Variants in ZMYM5 observed in about 807,000 individuals in gnomAD.
ZMYM5 encodes the protein zinc finger MYM-type containing 5, also known as zinc finger MYM-type protein 5.
Under a neutral mutation model 61.8 loss-of-function variants are expected in ZMYM5, and 41 were observed. That is an observed-to-expected ratio of 0.66 (90% CI 0.52 to 0.86). The LOEUF is 0.86. ZMYM5 is among the 40% of genes least tolerant of loss of function. The pLI, the probability that ZMYM5 is intolerant of heterozygous loss-of-function variation, is 0.00. For synonymous variants in ZMYM5, 257 were observed against 276.4 expected, an observed-to-expected ratio of 0.93 and a Z score of 0.70; for missense variants, 706 against 786.7, an observed-to-expected ratio of 0.90 and a Z score of 1.23.
At chr13:19,836,841 C>T (rs1020960579) in intron 6 of ZMYM5, among the ~76,000 whole-genome samples, 2 of 152,106 alleles carry the variant, frequency 1.3e-5, no homozygotes, top group African/African-American at 2.4e-5. Flanking sequence ...GGACTGCCTG[C>T]ATGCATGTTT....
chr13:19,835,304 T>C (rs11147487), intron 7 of ZMYM5, among the ~76,000 whole-genome samples, 173 bp downstream of exon 7: 17,290 of 151,938 alleles, frequency 0.11, 1,246 homozygotes, highest in African/African-American at 0.2. Context: ...CCAAAGAAAA[T>C]TTTTAAAACA....
Position 19,861,507 on chromosome 13 carries a change from T to C in ZMYM5, c.-11+892A>G, listed in dbSNP as rs180677410. 3.9e-5 allele frequency among the ~76,000 whole-genome samples: 6 copies of C among 152,232 alleles called. No homozygotes were observed. In the East Asian group the frequency reaches 1.2e-3, roughly 29 times the overall value. ...TCCTAAGTTTAACTAATTAAAGAGATATGCTGTGAAATGTAAGAAAATAAG... is the reference window on the plus strand; with the variant it reads ...TCCTAAGTTTAACTAATTAAAGAGACATGCTGTGAAATGTAAGAAAATAAG... On this transcript the variant is annotated intron_variant, in intron 2 of 7. Coordinates refer to ENST00000337963, the MANE Select transcript of ZMYM5 (RefSeq NM_001142684.2).
intron 2 of ZMYM5, 130 bp from the exon 3 acceptor site, chr13:19,852,320 C>A: frequency 1.1e-6 from 1 of 907,062 alleles, no homozygotes. Flanking sequence ...TGTTTTTCCT[C>A]TACTGTTAAC....
At position 19,835,414 on chromosome 13, in the gene ZMYM5, T is replaced by C. The variant is rs1024442334; in HGVS notation, c.1251+63A>G. The C allele has an allele frequency of 2.7e-5, 30 of 1,114,198 alleles. No homozygotes were observed. In the African/African-American group the frequency reaches 4.0e-4, roughly 15 times the overall value. The allele number at this position is 1,114,198 out of a possible 1,614,324, so 69.0% of individuals were successfully genotyped here. A position where few individuals can be genotyped will look rare whatever the true frequency, so the allele number is the denominator to read the frequency against. Reference sequence around the variant, plus strand: ...GAGATTCTAAGATAAATCCGGTTCATGTAAGATGTAAGGGTGAAGCTACTA... The same window carrying C: ...GAGATTCTAAGATAAATCCGGTTCACGTAAGATGTAAGGGTGAAGCTACTA... On this transcript the variant is annotated intron_variant, in intron 7 of 7. Transcript: ENST00000337963.
At chr13:19,846,897 A>G (rs757678119) in intron 4 of ZMYM5, among the ~76,000 whole-genome samples, 40 of 152,238 alleles carry the variant, frequency 2.6e-4, no homozygotes, top group Non-Finnish European at 5.0e-4. Flanking sequence ...ACTGCACTCT[A>G]GTCTGGGAAA....
chr13:19,851,726 T>C lies in ZMYM5; in HGVS notation c.455A>G (p.Asp152Gly). ...AAGACTGGAAGTGGAGAAATCCAAA[T>C]CGTTGGTTTTGTTTTTAGTTCCAGG... ...GLPGTKNKTN[D>G]LDFSTSSLSR... Residue 152 changes from aspartate (D) to glycine (G), a missense_variant, in exon 3 of 8, where the codon GAT (aspartate) becomes GGT (glycine). By Grantham distance (94) the Asp-to-Gly change is moderately conservative. Transcript: ENST00000337963. 6.3e-7 allele frequency: 1 copy of C among 1,582,476 alleles called. No individual in the cohort carries two copies. Among genetic ancestry groups the C allele is most frequent in the Non-Finnish European group, 8.5e-7 (1 of 1,170,814 alleles).
intron 5 of ZMYM5, 40 bp from the exon 6 acceptor site, chr13:19,837,861 A>T: frequency 1.3e-6 from 2 of 1,557,002 alleles, no homozygotes; most frequent in Non-Finnish European, 1.7e-6. Context: ...AAGAACACTG[A>T]ATTTTAATAC....
chr13:19,859,840 G>T (rs1003466148), intron 2 of ZMYM5, among the ~76,000 whole-genome samples: 1 of 151,218 alleles, frequency 6.6e-6, no homozygotes, highest in Non-Finnish European at 1.5e-5. Context: ...TGTGGTAGTG[G>T]GTGCCTATCA....
chr13:19,831,369 C>T (rs1167964046), intron 7 of ZMYM5, among the ~76,000 whole-genome samples: 3 of 152,018 alleles, frequency 2.0e-5, no homozygotes, highest in African/African-American at 4.8e-5. Context: ...AAGCAATCCT[C>T]TTGCCTCTGC....
intron 2 of ZMYM5, among the ~76,000 whole-genome samples, chr13:19,853,098 T>A (rs537427180): frequency 6.6e-6 from 1 of 152,332 alleles, no homozygotes; most frequent in East Asian, 1.9e-4. Flanking sequence ...GCAATCCTCC[T>A]GCCTTGGCTC....
chr13:19,843,835 C>CAA (rs550862924), intron 4 of ZMYM5, among the ~76,000 whole-genome samples: 37 of 78,366 alleles, frequency 4.7e-4, no homozygotes, highest in African/African-American at 1.6e-3. Flanking sequence ...GACTCTGTCT[C>CAA]AAAAAAAAAA....
At chr13:19,860,471 T>TAC (rs1953703072) in intron 2 of ZMYM5, among the ~76,000 whole-genome samples, 2 of 49,666 alleles carry the variant, frequency 4.0e-5, no homozygotes, top group African/African-American at 1.1e-4. Flanking sequence ...TGTGTGTGTG[T>TAC]ATTTTTTTTT....
intron 6 of ZMYM5, chr13:19,837,310 C>T (rs1371149729): frequency 6.7e-6 from 5 of 748,624 alleles, no homozygotes; most frequent in African/African-American, 3.8e-5. Flanking sequence ...TGAGCCACCA[C>T]GTCCGGCCCC....
intron 2 of ZMYM5, among the ~76,000 whole-genome samples, chr13:19,855,055 G>C (rs1040259189): frequency 6.6e-6 from 1 of 152,066 alleles, no homozygotes; most frequent in Non-Finnish European, 1.5e-5. Context: ...GGTTTGTAAA[G>C]AAATGAAAAA....
chr13:19,836,269 CTTT>C (rs112921694), intron 6 of ZMYM5, among the ~76,000 whole-genome samples: 3 of 144,568 alleles, frequency 2.1e-5, no homozygotes, highest in Admixed American at 1.4e-4. Context: ...AGATAATGAA[CTTT>C]TTTTTTTTTT....
intron 2 of ZMYM5, among the ~76,000 whole-genome samples, chr13:19,855,470 G>A (rs1421180838): frequency 6.6e-6 from 1 of 151,536 alleles, no homozygotes; most frequent in Non-Finnish European, 1.5e-5. Context: ...CACCGTGTTA[G>A]CCAGGATGGT....
intron 6 of ZMYM5, among the ~76,000 whole-genome samples, chr13:19,837,095 A>G (rs2016493): frequency 0.91 from 137,744 of 151,380 alleles, 64,061 homozygotes; most frequent in Non-Finnish European, 1. Context: ...ACAGTGGCGC[A>G]ATCTCAGCTC....
intron 2 of ZMYM5, among the ~76,000 whole-genome samples, chr13:19,860,470 G>GTATA (rs1555264415): frequency 6.6e-5 from 9 of 136,330 alleles, no homozygotes; most frequent in South Asian, 2.4e-4. Context: ...GTGTGTGTGT[G>GTATA]TATTTTTTTT....
intron 1 of ZMYM5, among the ~76,000 whole-genome samples, chr13:19,863,224 C>A (rs1397044759): frequency 6.6e-6 from 1 of 151,306 alleles, no homozygotes; most frequent in African/African-American, 2.4e-5. Flanking sequence ...GCCGGCCCCG[C>A]GACCTCCGCC....
Sources: allele counts gnomAD v4.1 joint callset (sites outside exome capture counted in the v4.1 genomes callset), GRCh38; gene constraint gnomAD v4.1.1; transcripts MANE v1.5; gene names NCBI Gene and HGNC (gene_info 2026-07-23, HGNC 2026-07-21).